Variants in RALGAPA1 observed in about 807,000 individuals in gnomAD.
RALGAPA1 encodes Ral GTPase activating protein catalytic subunit alpha 1, also known as ral GTPase-activating protein subunit alpha-1.
Under a neutral mutation model 269.6 loss-of-function variants are expected in RALGAPA1, and 52 were observed. The ratio of observed to expected loss-of-function variants is 0.19; its 90% CI spans 0.15 to 0.24. The LOEUF is 0.24. Ranked by LOEUF, RALGAPA1 falls within the 10% of genes least tolerant of loss-of-function variation. The pLI is 1.00. For synonymous variants in RALGAPA1, 817 were observed against 1,008.3 expected (o/e 0.81, Z 3.60); for missense variants, 1,917 against 3,013.9 (o/e 0.64, Z 8.52).
intron 35 of RALGAPA1, among the ~76,000 whole-genome samples, chr14:35,606,456 C>T (rs1026885889): frequency 6.6e-6 from 1 of 152,122 alleles, no homozygotes; most frequent in Non-Finnish European, 1.5e-5. Context: ...GTATTATAAT[C>T]TTATGAGACT....
chr14:35,782,842 T>A (rs76541179), intron 1 of RALGAPA1, among the ~76,000 whole-genome samples: 19 of 151,854 alleles, frequency 1.3e-4, no homozygotes, highest in African/African-American at 3.4e-4. Context: ...TTTTTTTTTT[T>A]AAATGGAGTC....
intron 37 of RALGAPA1, among the ~76,000 whole-genome samples, chr14:35,573,211 T>C (rs1364482809): frequency 6.6e-6 from 1 of 152,114 alleles, no homozygotes; most frequent in Non-Finnish European, 1.5e-5. Flanking sequence ...GTTTGTGGGG[T>C]TTGCTTACAA....
chr14:35,777,593 T>C (rs1406002570), intron 1 of RALGAPA1, among the ~76,000 whole-genome samples: 2 of 152,186 alleles, frequency 1.3e-5, no homozygotes, highest in South Asian at 2.1e-4. Context: ...GATGGTGTCT[T>C]GCTCTGTGGC....
intron 1 of RALGAPA1, among the ~76,000 whole-genome samples, chr14:35,796,407 A>G (rs573193811): frequency 6.6e-6 from 1 of 152,200 alleles, no homozygotes; most frequent in Non-Finnish European, 1.5e-5. Context: ...CTAATCTAAT[A>G]TTAATATTCC....
intron 36 of RALGAPA1, among the ~76,000 whole-genome samples, chr14:35,600,547 G>A (rs1222053669): frequency 1.3e-5 from 2 of 152,028 alleles, no homozygotes; most frequent in Non-Finnish European, 2.9e-5. Flanking sequence ...TGTTTTCTGT[G>A]CTGTTTAGGC....
intron 1 of RALGAPA1, among the ~76,000 whole-genome samples, chr14:35,802,139 C>G (rs188326276): frequency 3.7e-4 from 57 of 152,294 alleles, no homozygotes; most frequent in African/African-American, 1.1e-3. Flanking sequence ...GAAACCCCGT[C>G]TCTACTACAA....
chr14:35,760,922 A>C lies in RALGAPA1; in HGVS notation c.454T>G (p.Ser152Ala). ...NCSKEQLWMF[S>A]CLIPGFSAPQ... The stretch of plus-strand genomic sequence containing the variant: ...GCTGAAAATCCAGGGATTAAGCATG[A>C]AAACATCCAGAGCTGTTCTTTGCTA... The change falls in exon 6 of 42, where the codon TCA becomes GCA. Residue 152 changes from serine (S) to alanine (A), a missense_variant. Around this residue, in one of 11 missense-constraint regions of RALGAPA1, gnomAD observed 462 missense variants for 725.6 expected, o/e 0.64. Coordinates refer to ENST00000680220, the MANE Select transcript of RALGAPA1 (RefSeq NM_001346249.2). 6.2e-7 allele frequency: 1 copy of C among 1,611,844 alleles called. No individual in the cohort carries two copies. Among genetic ancestry groups the C allele is most frequent in the Non-Finnish European group, 8.5e-7 (1 of 1,178,144 alleles).
rs1411128891 is a variant in RALGAPA1 at position 35,692,572 on chromosome 14, A to T, written c.2408-2569T>A. Among the ~76,000 whole-genome samples the T allele has an allele frequency of 2.8e-5, 4 of 144,438 alleles. No homozygotes were observed. In the East Asian group the frequency reaches 7.9e-4, roughly 29 times the overall value. 94.8% of individuals were successfully genotyped at this position (144,438 alleles called of 152,430 possible). A position where few individuals can be genotyped will look rare whatever the true frequency, so the allele number is the denominator to read the frequency against. On this transcript the variant is annotated intron_variant, in intron 17 of 41. Coordinates refer to ENST00000680220, the MANE Select transcript of RALGAPA1 (RefSeq NM_001346249.2). ...GCAAGCTTAAGAGGGAAAGAGCTTTAAAAAAAAAAAATGTAACTGGTTTTT... is the reference window on the plus strand; with the variant it reads ...GCAAGCTTAAGAGGGAAAGAGCTTTTAAAAAAAAAAATGTAACTGGTTTTT...
chr14:35,739,779 T>C (rs181313428), intron 11 of RALGAPA1, among the ~76,000 whole-genome samples: 52 of 152,308 alleles, frequency 3.4e-4, no homozygotes, highest in African/African-American at 1.2e-3. Context: ...TTGCTAATCC[T>C]TCCTAACTGG....
chr14:35,644,935 G>A (rs1177573576), intron 31 of RALGAPA1, among the ~76,000 whole-genome samples: 1 of 152,152 alleles, frequency 6.6e-6, no homozygotes, highest in African/African-American at 2.4e-5. Context: ...AAGAATTGGA[G>A]GTGTCAGTGT....
intron 31 of RALGAPA1, among the ~76,000 whole-genome samples, chr14:35,647,685 G>A (rs2062528272): frequency 6.6e-6 from 1 of 152,192 alleles, no homozygotes; most frequent in Non-Finnish European, 1.5e-5. Context: ...AGGTGTGGTG[G>A]CTCACGCCTG....
intron 10 of RALGAPA1, among the ~76,000 whole-genome samples, chr14:35,745,414 CACAG>C (rs897954943): frequency 1.6e-5 from 2 of 127,654 alleles, no homozygotes; most frequent in Non-Finnish European, 3.1e-5. Flanking sequence ...TACACAGACA[CACAG>C]ACAGACACAC....
chr14:35,707,285 A>G (rs1219775293), intron 16 of RALGAPA1: 1 of 152,200 alleles, frequency 6.6e-6, no homozygotes, highest in African/African-American at 2.4e-5. Context: ...CTACAAAGAT[A>G]GCTTTATTTA....
At chr14:35,650,626 AC>A (rs2062763891) in intron 31 of RALGAPA1, among the ~76,000 whole-genome samples, 1 of 152,202 alleles carries the variant, frequency 6.6e-6, no homozygotes, top group Non-Finnish European at 1.5e-5. Flanking sequence ...TGTATGCCAC[AC>A]AAGAAAATAA....
At chr14:35,752,284 C>T in intron 7 of RALGAPA1, 122 bp from the exon 8 acceptor site, 2 of 1,097,832 alleles carry the variant, frequency 1.8e-6, no homozygotes, top group Non-Finnish European at 2.4e-6. Context: ...CACTAAAGAT[C>T]ATGATACATA....
At chr14:35,679,698 T>C (rs780274663) in intron 21 of RALGAPA1, among the ~76,000 whole-genome samples, 2 of 151,162 alleles carry the variant, frequency 1.3e-5, no homozygotes, top group Non-Finnish European at 2.9e-5. Flanking sequence ...TCAAGGACGA[T>C]CTACATTTAT....
At chr14:35,760,349 C>T (rs2073597542) in intron 6 of RALGAPA1, among the ~76,000 whole-genome samples, 1 of 151,396 alleles carries the variant, frequency 6.6e-6, no homozygotes, top group African/African-American at 2.4e-5. Context: ...ACACCGCTAC[C>T]ACCTCCTCCA....
intron 37 of RALGAPA1, among the ~76,000 whole-genome samples, chr14:35,589,496 T>C (rs2058507186): frequency 6.6e-6 from 1 of 152,104 alleles, no homozygotes; most frequent in South Asian, 2.1e-4. Context: ...TATATCAAAA[T>C]GTGTTGTATA....
Position 35,549,109 on chromosome 14 carries a change from C to G in RALGAPA1, c.7621+1G>C. Reference sequence around the variant, plus strand: ...TAACTAATACTCGCTTTTAATCTTACCGGCATCAGATGGTAAATGGTGGTA... The same window carrying G: ...TAACTAATACTCGCTTTTAATCTTAGCGGCATCAGATGGTAAATGGTGGTA... On this transcript the variant is annotated splice_donor_variant, in intron 40 of 41. Coordinates refer to ENST00000680220, the MANE Select transcript of RALGAPA1 (RefSeq NM_001346249.2). LOFTEE classifies it high-confidence loss of function. The G allele has an allele frequency of 1.9e-6, 3 of 1,610,538 alleles. No individual in the cohort carries two copies. The highest frequency in any genetic ancestry group is 2.5e-6 in the Non-Finnish European group (3 of 1,178,914).
Sources: gnomAD v4.1 joint callset for allele counts (sites outside exome capture counted in the v4.1 genomes callset) on GRCh38, gnomAD v4.1.1 for gene constraint, gnomAD v4.1.1 regional missense constraint, MANE v1.5 for transcripts, NCBI Gene and HGNC (gene_info 2026-07-23, HGNC 2026-07-21) for gene names.